Variants in GLCCI1 observed in about 807,000 individuals in gnomAD.
GLCCI1 encodes the protein glucocorticoid induced 1, also known as glucocorticoid-induced transcript 1 protein.
In GLCCI1, 24 loss-of-function variants were observed where a neutral mutation model predicts 52.2. The ratio of observed to expected loss-of-function variants is 0.46; its 90% CI spans 0.33 to 0.65. GLCCI1 has a LOEUF of 0.65. Among genes scored for constraint, GLCCI1 ranks in the 30% least tolerant of loss-of-function variants. The probability of loss-of-function intolerance (pLI) is 0.02; values close to 1 mark genes in which losing one functional copy is unlikely to be tolerated. For synonymous variants in GLCCI1, 310 were observed against 276.5 expected (o/e 1.12, Z -1.20); for missense variants, 704 against 701.5 (o/e 1.00, Z -0.04).
intron 2 of GLCCI1, among the ~76,000 whole-genome samples, chr7:8,022,040 G>C (rs574785466): frequency 6.6e-6 from 1 of 152,226 alleles, no homozygotes; most frequent in South Asian, 2.1e-4. Context: ...AGAAAAAGTA[G>C]TACAATCAGC....
intron 6 of GLCCI1, among the ~76,000 whole-genome samples, chr7:8,077,887 G>A (rs117893123): frequency 0.01 from 1,592 of 152,262 alleles, 11 homozygotes; most frequent in Non-Finnish European, 0.017. Flanking sequence ...GAACGGTTGG[G>A]GTATAGGGGT....
intron 3 of GLCCI1, among the ~76,000 whole-genome samples, chr7:8,048,751 C>T (rs555863032): frequency 6.6e-6 from 1 of 152,278 alleles, no homozygotes; most frequent in South Asian, 2.1e-4. Flanking sequence ...TTATTATTCA[C>T]AGCACAGCAA....
At chr7:8,024,960 G>A (rs1192192527) in intron 3 of GLCCI1, 2 of 152,234 alleles carry the variant, frequency 1.3e-5, no homozygotes, top group Non-Finnish European at 2.9e-5. Flanking sequence ...ATGGAGAATT[G>A]TAGGTTAAAA....
At chr7:8,025,296 C>T (rs765873309) in intron 3 of GLCCI1, among the ~76,000 whole-genome samples, 43 of 151,908 alleles carry the variant, frequency 2.8e-4, no homozygotes, top group Admixed American at 5.9e-4. Flanking sequence ...GCCAAGATCG[C>T]GCCACTGCAC....
At chr7:8,063,629 T>C (rs1782565255) in intron 5 of GLCCI1, among the ~76,000 whole-genome samples, 1 of 148,706 alleles carries the variant, frequency 6.7e-6, no homozygotes. Flanking sequence ...TTTTTTTTTT[T>C]TTTTTTTGAG....
chr7:8,014,614 A>G (rs1341500788), intron 2 of GLCCI1, among the ~76,000 whole-genome samples: 1 of 152,236 alleles, frequency 6.6e-6, no homozygotes, highest in Non-Finnish European at 1.5e-5. Flanking sequence ...GTGCTCTAGC[A>G]TAACACAGTA....
At chr7:8,011,686 G>A (rs940253010) in intron 2 of GLCCI1, among the ~76,000 whole-genome samples, 1 of 152,140 alleles carries the variant, frequency 6.6e-6, no homozygotes, top group African/African-American at 2.4e-5. Context: ...AGATCATAGG[G>A]TAATTCTGTG....
At chr7:8,056,002 A>AC (rs202158056) in intron 4 of GLCCI1, among the ~76,000 whole-genome samples, 5,786 of 143,808 alleles carry the variant, frequency 0.04, 379 homozygotes, top group African/African-American at 0.13. Flanking sequence ...CAAAAAAAAA[A>AC]AAAAACAAAA....
intron 1 of GLCCI1, among the ~76,000 whole-genome samples, chr7:7,983,788 T>C (rs902549573): frequency 5.3e-5 from 8 of 152,236 alleles, no homozygotes; most frequent in Admixed American, 1.3e-4. Context: ...TAAAAATGCC[T>C]AATAGTTTAG....
At chr7:8,064,030 C>A (rs553190778) in intron 5 of GLCCI1, among the ~76,000 whole-genome samples, 19 of 152,248 alleles carry the variant, frequency 1.2e-4, no homozygotes, top group Non-Finnish European at 2.2e-4. Context: ...AGTTTGCAAA[C>A]ATTTTCTCCC....
chr7:8,024,176 A>C (rs1373640105), intron 3 of GLCCI1, among the ~76,000 whole-genome samples: 1 of 152,028 alleles, frequency 6.6e-6, no homozygotes, highest in African/African-American at 2.4e-5. Flanking sequence ...TTTATGTACT[A>C]TAGGTTATCA....
chr7:7,998,180 T>G (rs895498883), intron 1 of GLCCI1, among the ~76,000 whole-genome samples: 16 of 24,454 alleles, frequency 6.5e-4, no homozygotes, highest in African/African-American at 4.3e-3. Context: ...TTTTTTGTTT[T>G]TTTTTTTTTT....
intron 1 of GLCCI1, among the ~76,000 whole-genome samples, chr7:7,988,824 G>A (rs966525667): frequency 6.6e-6 from 1 of 152,068 alleles, no homozygotes; most frequent in African/African-American, 2.4e-5. Context: ...TCTCCCTCTT[G>A]TGCCTACTTC....
intron 1 of GLCCI1, among the ~76,000 whole-genome samples, chr7:7,974,476 G>A (rs910337464): frequency 6.6e-6 from 1 of 152,094 alleles, no homozygotes; most frequent in African/African-American, 2.4e-5. Flanking sequence ...TTTCTGTAAG[G>A]ACTTAATGCA....
At position 8,088,933 on chromosome 7, in the gene GLCCI1, C is replaced by CTGTT. The variant is rs530588231; in HGVS notation, c.*2397_*2400dup. On this transcript the variant is annotated 3_prime_UTR_variant, in exon 8 of 8. Coordinates refer to ENST00000223145, the MANE Select transcript of GLCCI1 (RefSeq NM_138426.4). ...TGTTTAAATTTTGTATATAATTGTA[C>CTGTT]TGTTTAATTCTAGCCATTGCGCTGA... The CTGTT allele has an allele frequency of 2.6e-5, 4 of 152,726 alleles. No homozygotes were observed. The South Asian group carries it at 8.3e-4, about 32-fold the overall frequency. 9.5% of individuals were successfully genotyped at this position (152,726 alleles called of 1,614,324 possible).
chr7:8,007,532 A>C (rs1781178572), intron 2 of GLCCI1, among the ~76,000 whole-genome samples: 1 of 152,190 alleles, frequency 6.6e-6, no homozygotes, highest in African/African-American at 2.4e-5. Flanking sequence ...ACCATTTATT[A>C]GTTTAATTGA....
intron 1 of GLCCI1, among the ~76,000 whole-genome samples, chr7:7,997,196 T>C (rs1780953561): frequency 6.6e-6 from 1 of 152,176 alleles, no homozygotes; most frequent in African/African-American, 2.4e-5. Flanking sequence ...TTCTCAGTTA[T>C]TTTGTTACCT....
At chr7:7,974,656 C>A (rs1002849448) in intron 1 of GLCCI1, among the ~76,000 whole-genome samples, 1 of 152,098 alleles carries the variant, frequency 6.6e-6, no homozygotes, top group African/African-American at 2.4e-5. Context: ...AATGGCTAGT[C>A]GGAGAGGGTT....
At chr7:7,978,299 G>A (rs536090043) in intron 1 of GLCCI1, among the ~76,000 whole-genome samples, 1 of 152,008 alleles carries the variant, frequency 6.6e-6, no homozygotes, top group Non-Finnish European at 1.5e-5. Context: ...TGTATTATAA[G>A]GCTACCTTCA....
Sources: allele counts gnomAD v4.1 joint callset (sites outside exome capture counted in the v4.1 genomes callset), GRCh38; gene constraint gnomAD v4.1.1; transcripts MANE v1.5; gene names NCBI Gene and HGNC (gene_info 2026-07-23, HGNC 2026-07-21).